Variants in CYP7A1 observed in about 807,000 individuals in gnomAD.
CYP7A1 encodes the protein cytochrome P450 7A1.
In CYP7A1, 28 loss-of-function variants were observed where a neutral mutation model predicts 43.8. The ratio of observed to expected loss-of-function variants is 0.64; its 90% CI spans 0.47 to 0.88. The LOEUF (loss-of-function observed/expected upper bound fraction) is 0.88, where lower values mean the gene tolerates loss of function less well. Among genes scored for constraint, CYP7A1 ranks in the 40% least tolerant of loss-of-function variants. The pLI is 0.00. For synonymous variants in CYP7A1, 227 were observed against 222.5 expected, an observed-to-expected ratio of 1.02 and a Z score of -0.18; for missense variants, 637 against 611.9, an observed-to-expected ratio of 1.04 and a Z score of -0.43.
rs903970269 is a variant in CYP7A1 at position 58,497,267 on chromosome 8, A to G, written c.322-77T>C. ...AGTAAATGACTGAAAAACGGATTAG[A>G]TACTTTCATAGTTCCTTACTTGGTA... On this transcript the variant is annotated intron_variant, in intron 2 of 5. Transcript: ENST00000301645. 4.2e-6 allele frequency: 5 copies of G among 1,188,948 alleles called. No homozygotes were observed. The East Asian group carries it at 9.4e-5, about 22-fold the overall frequency. 73.6% of individuals were successfully genotyped at this position (1,188,948 alleles called of 1,614,324 possible). A position where few individuals can be genotyped will look rare whatever the true frequency, so the allele number is the denominator to read the frequency against.
intron 3 of CYP7A1, 37 bp downstream of exon 3, chr8:58,496,567 T>TA: frequency 6.5e-7 from 1 of 1,548,246 alleles, no homozygotes. Context: ...TACTTTCTAC[T>TA]AAAATAAAAA....
intron 3 of CYP7A1, among the ~76,000 whole-genome samples, chr8:58,494,860 C>G (rs917393182): frequency 5.3e-5 from 8 of 152,030 alleles, no homozygotes; most frequent in Non-Finnish European, 8.8e-5. Flanking sequence ...TTGCGGCCGG[C>G]CGTGGTGGCA....
intron 3 of CYP7A1, among the ~76,000 whole-genome samples, chr8:58,496,079 T>C (rs879514990): frequency 1.3e-5 from 2 of 152,216 alleles, no homozygotes; most frequent in African/African-American, 4.8e-5. Context: ...AATAATAGAT[T>C]ATGATTGATT....
chr8:58,499,658 T>G (rs1384164683), intron 1 of CYP7A1, among the ~76,000 whole-genome samples: 1 of 152,190 alleles, frequency 6.6e-6, no homozygotes, highest in Non-Finnish European at 1.5e-5. Flanking sequence ...AGCAATCCTT[T>G]CCATTGTAGA....
At chr8:58,491,910 G>T (rs1280424247) in intron 5 of CYP7A1, 136 bp from the exon 6 acceptor site, 1 of 723,234 alleles carries the variant, frequency 1.4e-6, no homozygotes, top group East Asian at 2.7e-5. Flanking sequence ...ACTCCACATT[G>T]AATCAGAAAG....
intron 1 of CYP7A1, among the ~76,000 whole-genome samples, 161 bp downstream of exon 1, chr8:58,499,858 G>A (rs973355162): frequency 1.3e-5 from 2 of 151,886 alleles, no homozygotes; most frequent in Non-Finnish European, 2.9e-5. Context: ...TAGTAAAAAA[G>A]ATATTACTTT....
intron 4 of CYP7A1, 51 bp downstream of exon 4, chr8:58,494,455 T>A (rs1408622147): frequency 6.3e-7 from 1 of 1,587,256 alleles, no homozygotes. Context: ...GTCATTATTG[T>A]TAAAGTAGTA....
chr8:58,496,423 T>G lies in CYP7A1; in HGVS notation c.908+181A>C, dbSNP rs147694746. On this transcript the variant is annotated intron_variant, in intron 3 of 5. Coordinates refer to ENST00000301645, the MANE Select transcript of CYP7A1 (RefSeq NM_000780.4). The stretch of plus-strand genomic sequence containing the variant: ...ATAAAACACTTTTACCAGCCATAGC[T>G]GCCTATGTTTTTCTGCGGACTGAAT... 4.7e-3 allele frequency among the ~76,000 whole-genome samples: 710 copies of G among 152,332 alleles called. 5 individuals are homozygous for G. Among genetic ancestry groups the G allele is most frequent in the African/African-American group, 0.016 (678 of 41,570 alleles).
chr8:58,491,750 CAAGA>C lies in CYP7A1; in HGVS notation c.1236_1239del (p.Tyr412Ter). On this transcript the variant is annotated frameshift_variant, in exon 6 of 6. Coordinates refer to ENST00000301645, the MANE Select transcript of CYP7A1 (RefSeq NM_000780.4). LOFTEE classifies it high-confidence loss of function. ...GTAGTCTTTGTCTTCCCGTTTTCAT[CAAGA>C]TACCTATCATATTTAAAAGTCTGCA... 6.2e-7 allele frequency: 1 copy of C among 1,613,644 alleles called. No individual in the cohort carries two copies. Among genetic ancestry groups the C allele is most frequent in the South Asian group, 1.1e-5 (1 of 91,048 alleles).
chr8:58,491,967 T>C (rs1809359092), intron 5 of CYP7A1, among the ~76,000 whole-genome samples, 193 bp from the exon 6 acceptor site: 1 of 152,134 alleles, frequency 6.6e-6, no homozygotes, highest in South Asian at 2.1e-4. Context: ...TTGTGATACC[T>C]CCTATCCTGC....
rs918658307 is a variant in CYP7A1 at position 58,490,566 on chromosome 8, G to A, written c.*909C>T. ...AAAGCTACATTTTTTCAGTGATAAT[G>A]TGTATTTAACAATGACAGAAAAACT... is the stretch of plus-strand genomic sequence containing the variant. On this transcript the variant is annotated 3_prime_UTR_variant, in exon 6 of 6. Transcript: ENST00000301645. 3 of 152,150 alleles carry A rather than the reference G, an allele frequency of 2.0e-5. No individual in the cohort carries two copies. The highest frequency in any genetic ancestry group is 2.0e-4 in the Admixed American group (3 of 15,278). The allele number at this position is 152,150 out of a possible 1,614,324, so 9.4% of individuals were successfully genotyped here. A position where few individuals can be genotyped will look rare whatever the true frequency, so the allele number is the denominator to read the frequency against.
chr8:58,492,626 G>T, intron 4 of CYP7A1, 98 bp from the exon 5 acceptor site: 1 of 960,102 alleles, frequency 1.0e-6, no homozygotes, highest in Non-Finnish European at 1.6e-6. Flanking sequence ...ATGATATAGA[G>T]TCTGAACTAC....
intron 4 of CYP7A1, among the ~76,000 whole-genome samples, chr8:58,493,986 C>T (rs113073038): frequency 0.047 from 7,118 of 152,064 alleles, 196 homozygotes; most frequent in African/African-American, 0.059. Context: ...GGCAACAGAA[C>T]AAGACTTTGT....
chr8:58,491,203 A>T lies in CYP7A1; in HGVS notation c.*272T>A. The T allele has an allele frequency of 2.3e-6, 1 of 426,378 alleles. No individual in the cohort carries two copies. The highest frequency in any genetic ancestry group is 4.2e-6 in the Non-Finnish European group (1 of 239,146). The allele number at this position is 426,378 out of a possible 1,614,324, so 26.4% of individuals were successfully genotyped here. On this transcript the variant is annotated 3_prime_UTR_variant, in exon 6 of 6. Coordinates refer to ENST00000301645, the MANE Select transcript of CYP7A1 (RefSeq NM_000780.4). ...TTTCCTTTGAAAATAATAAACTTCAATCCCTGGCTATATGAACATTCATGG... is the reference window on the plus strand; with the variant it reads ...TTTCCTTTGAAAATAATAAACTTCATTCCCTGGCTATATGAACATTCATGG...
intron 1 of CYP7A1, among the ~76,000 whole-genome samples, chr8:58,499,205 T>C (rs1373547473): frequency 1.2e-4 from 19 of 152,190 alleles, no homozygotes; most frequent in Admixed American, 1.2e-3. Context: ...TGAAGATAAG[T>C]AGTTTAATTA....
At position 58,498,276 on chromosome 8, in the gene CYP7A1, C is replaced by T. The variant is rs775869319; in HGVS notation, c.274G>A (p.Gly92Arg). The T allele has an allele frequency of 3.1e-6, 5 of 1,613,896 alleles. No homozygotes were observed. In the African/African-American group the frequency reaches 4.0e-5, roughly 13 times the overall value. The change falls in exon 2 of 6, where the codon GGA becomes AGA. Residue 92 changes from glycine to arginine, a missense_variant. Physicochemically the swap from Gly to Arg is moderately radical, Grantham distance 125. Transcript: ENST00000301645. ...PLSYHKVLCH[G>R]KYFDWKKFHF... ...AATTTTTTCCAATCAAAATATTTTC[C>T]GTGGCACAACACCTTATGGTATGAC...
chr8:58,494,760 G>T, intron 3 of CYP7A1, 124 bp from the exon 4 acceptor site: 1 of 870,722 alleles, frequency 1.1e-6, no homozygotes, highest in Non-Finnish European at 1.8e-6. Flanking sequence ...CAGGGGAGGA[G>T]GGAAAGGGAT....
rs752124663 is a variant in CYP7A1 at position 58,491,734 on chromosome 8, G to T, written c.1256C>A (p.Thr419Lys). 2.2e-5 allele frequency: 35 copies of T among 1,613,654 alleles called. No homozygotes were observed. Among genetic ancestry groups the T allele is most frequent in the Admixed American group, 6.7e-5 (4 of 60,004 alleles). The change falls in exon 6 of 6, where the codon ACA (threonine) becomes AAA (lysine). Residue 419 changes from threonine (T) to lysine (K), a missense_variant. Thr to Lys is a moderately conservative substitution (Grantham distance 78). Coordinates refer to ENST00000301645, the MANE Select transcript of CYP7A1 (RefSeq NM_000780.4). Reference sequence around the variant, plus strand: ...TCCATTACAATAGAAGGTAGTCTTTGTCTTCCCGTTTTCATCAAGATACCT... The same window carrying T: ...TCCATTACAATAGAAGGTAGTCTTTTTCTTCCCGTTTTCATCAAGATACCT... ...YDRYLDENGK[T>K]KTTFYCNGLK...
chr8:58,496,742 A>C lies in CYP7A1; in HGVS notation c.770T>G (p.Ile257Ser), dbSNP rs200100159. ...GTCATTGAGAAACATGCGCAGGCTG[A>C]TCAGTTCTGAGATGCTTTCCCTCTT... is the stretch of plus-strand genomic sequence containing the variant. ...LQKRESISEL[I>S]SLRMFLNDTL... Residue 257 changes from isoleucine to serine, a missense_variant, in exon 3 of 6, where the codon ATC (isoleucine) becomes AGC (serine). Transcript: ENST00000301645. The C allele has an allele frequency of 6.2e-7, 1 of 1,614,198 alleles. No individual in the cohort carries two copies. The highest frequency in any genetic ancestry group is 2.2e-5 in the East Asian group (1 of 44,876).
Sources: allele counts gnomAD v4.1 joint callset (sites outside exome capture counted in the v4.1 genomes callset), GRCh38; gene constraint gnomAD v4.1.1; transcripts MANE v1.5; gene names NCBI Gene and HGNC (gene_info 2026-07-23, HGNC 2026-07-21).